Variants in DCLK1 observed in about 807,000 individuals in gnomAD.
DCLK1 encodes the protein serine/threonine-protein kinase DCLK1.
Under a neutral mutation model 86.2 loss-of-function variants are expected in DCLK1, and 16 were observed. The ratio of observed to expected loss-of-function variants is 0.19; its 90% CI spans 0.13 to 0.28. The LOEUF (loss-of-function observed/expected upper bound fraction) is 0.28, where lower values mean the gene tolerates loss of function less well. Ranked by LOEUF, DCLK1 falls within the 10% of genes least tolerant of loss-of-function variation. DCLK1 has a pLI of 1.00. For synonymous variants in DCLK1, 369 were observed against 370.5 expected (o/e 1.00, Z 0.05); for missense variants, 590 against 940.2 (o/e 0.63, Z 4.87).
chr13:35,947,342 C>T lies in DCLK1; in HGVS notation c.823+16G>A, dbSNP rs770370995. On this transcript the variant is annotated intron_variant, in intron 4 of 16. Transcript: ENST00000360631. ...GCCTCAAATTTCCCCTGGTTTTGAA[C>T]TTTTTTTTTCCTTACCACTTTCATC... is the stretch of plus-strand genomic sequence containing the variant. 3.2e-6 allele frequency: 5 copies of T among 1,552,862 alleles called. No homozygotes were observed. The highest frequency in any genetic ancestry group is 3.5e-6 in the Non-Finnish European group (4 of 1,132,684).
At chr13:36,007,145 G>A (rs1396918421) in intron 3 of DCLK1, among the ~76,000 whole-genome samples, 1 of 152,178 alleles carries the variant, frequency 6.6e-6, no homozygotes, top group Non-Finnish European at 1.5e-5. Context: ...CTATGTCATA[G>A]ATTGACTGCT....
chr13:35,847,022 A>G (rs1428570942), intron 6 of DCLK1: 2 of 985,102 alleles, frequency 2.0e-6, no homozygotes, highest in Admixed American at 6.2e-5. Context: ...CAACTGTATC[A>G]ATGTTTCATT....
intron 3 of DCLK1, among the ~76,000 whole-genome samples, chr13:36,062,598 C>G (rs993786451): frequency 6.6e-6 from 1 of 152,130 alleles, no homozygotes; most frequent in Non-Finnish European, 1.5e-5. Context: ...TGCAGCAGAG[C>G]TTTTGTGAGA....
At chr13:36,106,347 G>A (rs1206198322) in intron 3 of DCLK1, among the ~76,000 whole-genome samples, 1 of 152,162 alleles carries the variant, frequency 6.6e-6, no homozygotes. Context: ...AATTCTGTAA[G>A]TGAAGTGTCA....
intron 3 of DCLK1, among the ~76,000 whole-genome samples, chr13:35,998,408 T>A (rs1480814353): frequency 6.6e-6 from 1 of 152,136 alleles, no homozygotes; most frequent in African/African-American, 2.4e-5. Context: ...ACACCCACAT[T>A]GATGGCTCTT....
At chr13:36,054,416 CT>C (rs1883226711) in intron 3 of DCLK1, among the ~76,000 whole-genome samples, 1 of 152,164 alleles carries the variant, frequency 6.6e-6, no homozygotes, top group Admixed American at 6.6e-5. Flanking sequence ...GACAGTCTAA[CT>C]TTTTAGCTTG....
intron 11 of DCLK1, among the ~76,000 whole-genome samples, chr13:35,811,316 A>G (rs1418611649): frequency 6.6e-6 from 1 of 152,068 alleles, no homozygotes; most frequent in East Asian, 1.9e-4. Context: ...TAAAATGTCC[A>G]TTAAAGAAAA....
chr13:36,040,474 G>A (rs1047320037), intron 3 of DCLK1, among the ~76,000 whole-genome samples: 15 of 150,610 alleles, frequency 1.0e-4, no homozygotes, highest in African/African-American at 3.2e-4. Flanking sequence ...GGGGTAAAGC[G>A]GCATCCTTAT....
At chr13:35,984,551 C>G (rs1487346682) in intron 3 of DCLK1, among the ~76,000 whole-genome samples, 1 of 152,146 alleles carries the variant, frequency 6.6e-6, no homozygotes, top group Non-Finnish European at 1.5e-5. Context: ...ACTCTGACAC[C>G]CAAACTGCCT....
chr13:35,790,761 T>A (rs2086696224), intron 16 of DCLK1, among the ~76,000 whole-genome samples: 1 of 152,186 alleles, frequency 6.6e-6, no homozygotes, highest in Non-Finnish European at 1.5e-5. Flanking sequence ...TTATAAAAAA[T>A]TTTTCTTCTA....
chr13:35,859,326 T>A (rs1425546141), intron 5 of DCLK1, among the ~76,000 whole-genome samples: 3 of 152,244 alleles, frequency 2.0e-5, no homozygotes, highest in African/African-American at 7.2e-5. Flanking sequence ...TTTATCTGTA[T>A]AGGTACATTT....
At chr13:35,886,107 G>A (rs1404526684) in intron 4 of DCLK1, among the ~76,000 whole-genome samples, 1 of 151,524 alleles carries the variant, frequency 6.6e-6, no homozygotes, top group African/African-American at 2.4e-5. Context: ...TGCCTCCCGG[G>A]TTCAAGCGAT....
At chr13:35,834,500 A>G (rs1593642283) in intron 8 of DCLK1, among the ~76,000 whole-genome samples, 1 of 152,178 alleles carries the variant, frequency 6.6e-6, no homozygotes. Flanking sequence ...CATGTTTTCT[A>G]TCTATAACGT....
intron 3 of DCLK1, among the ~76,000 whole-genome samples, chr13:36,107,891 A>G (rs182722769): frequency 2.0e-5 from 3 of 152,254 alleles, no homozygotes; most frequent in Admixed American, 6.5e-5. Context: ...TGGCAGGTTA[A>G]GTGAATAACC....
At chr13:36,046,511 C>G (rs1882920156) in intron 3 of DCLK1, among the ~76,000 whole-genome samples, 1 of 152,122 alleles carries the variant, frequency 6.6e-6, no homozygotes, top group Admixed American at 6.5e-5. Context: ...TTTCATTAAC[C>G]CTTTGCTCTG....
chr13:36,081,783 G>A, intron 3 of DCLK1, among the ~76,000 whole-genome samples: 1 of 152,156 alleles, frequency 6.6e-6, no homozygotes, highest in Admixed American at 6.5e-5. Flanking sequence ...TTCAACTTAA[G>A]TAGAAAAATT....
intron 3 of DCLK1, among the ~76,000 whole-genome samples, chr13:35,996,157 G>C (rs1880466885): frequency 6.6e-6 from 1 of 152,104 alleles, no homozygotes; most frequent in Non-Finnish European, 1.5e-5. Context: ...GCAAACTCCT[G>C]ACCTCAGGGG....
upstream of DCLK1, among the ~76,000 whole-genome samples, chr13:36,131,660 C>T (rs926930813): frequency 1.3e-5 from 2 of 152,196 alleles, no homozygotes; most frequent in Admixed American, 1.3e-4. Context: ...TGGAAGAGAA[C>T]GTGGACAGGG....
chr13:35,936,490 T>C (rs963339256), intron 4 of DCLK1, among the ~76,000 whole-genome samples: 3 of 152,218 alleles, frequency 2.0e-5, no homozygotes, highest in Admixed American at 6.5e-5. Flanking sequence ...AAAGCAGATC[T>C]ATGAGAAGGA....
Sources: gnomAD v4.1 joint callset for allele counts (sites outside exome capture counted in the v4.1 genomes callset) on GRCh38, gnomAD v4.1.1 for gene constraint, MANE v1.5 for transcripts, NCBI Gene and HGNC (gene_info 2026-07-23, HGNC 2026-07-21) for gene names.